MTCL1: variants seen among roughly 807,000 people sequenced by gnomAD.
The protein encoded by MTCL1 is microtubule cross-linking factor 1.
A neutral mutation model predicts 141.4 loss-of-function variants in MTCL1; 79 were observed. The observed-to-expected ratio is 0.56, with a 90% CI of 0.47 to 0.67. The LOEUF (loss-of-function observed/expected upper bound fraction) is 0.67. Ranked by LOEUF, MTCL1 falls within the 30% of genes least tolerant of loss-of-function variation. MTCL1 has a pLI of 0.00. For missense variants in MTCL1, 2,177 were observed against 2,113.9 expected (o/e 1.03, Z -0.59); for synonymous variants, 914 against 875.8 (o/e 1.04, Z -0.77).
intron 12 of MTCL1, among the ~76,000 whole-genome samples, chr18:8,815,222 C>T (rs2076611799): frequency 6.6e-6 from 1 of 151,852 alleles, no homozygotes; most frequent in African/African-American, 2.4e-5. Context: ...GGAACCAACC[C>T]AAATGTCCAA....
intron 14 of MTCL1, among the ~76,000 whole-genome samples, chr18:8,823,154 C>T (rs142716750): frequency 1.3e-5 from 2 of 152,312 alleles, no homozygotes; most frequent in East Asian, 3.9e-4. Context: ...ATACTCTCTT[C>T]GTTCCACCTG....
intron 10 of MTCL1, among the ~76,000 whole-genome samples, chr18:8,799,325 A>T (rs993620848): frequency 6.6e-6 from 1 of 152,226 alleles, no homozygotes; most frequent in South Asian, 2.1e-4. Flanking sequence ...GCTGAGGGGA[A>T]TTTGGGTTCC....
At chr18:8,790,904 G>T (rs2075699025) in intron 7 of MTCL1, among the ~76,000 whole-genome samples, 1 of 152,102 alleles carries the variant, frequency 6.6e-6, no homozygotes, top group Non-Finnish European at 1.5e-5. Flanking sequence ...AATCCCAGCT[G>T]CTCGGGAGGC....
chr18:8,805,148 A>T (rs1194287092), intron 10 of MTCL1, among the ~76,000 whole-genome samples: 1 of 148,278 alleles, frequency 6.7e-6, no homozygotes, highest in Non-Finnish European at 1.5e-5. Context: ...GTACATGTGC[A>T]GGTTTATTAT....
intron 4 of MTCL1, among the ~76,000 whole-genome samples, chr18:8,729,933 A>G (rs1185009592): frequency 6.6e-6 from 1 of 152,016 alleles, no homozygotes; most frequent in Non-Finnish European, 1.5e-5. Flanking sequence ...ATTGTTTTAC[A>G]TTGCACATGT....
intron 1 of MTCL1, 49 bp downstream of exon 1, chr18:8,706,762 TGGCTGC>T: frequency 6.5e-7 from 1 of 1,538,146 alleles, no homozygotes; most frequent in Non-Finnish European, 8.7e-7. Context: ...CCGGAGGGCC[TGGCTGC>T]GGCGGGGACC....
chr18:8,705,620 C>T (rs2096056338), upstream of MTCL1: 6 of 1,161,164 alleles, frequency 5.2e-6, no homozygotes, highest in Non-Finnish European at 6.3e-6. The surrounding 1 kb of genome is among the most constrained non-coding windows in gnomAD (Gnocchi z 5.2). Flanking sequence ...CGTCGTCGTC[C>T]GGAGCATCTG....
chr18:8,705,605 G>GCCA, upstream of MTCL1: 1 of 1,206,904 alleles, frequency 8.3e-7, no homozygotes, highest in Non-Finnish European at 1.0e-6. This position sits in a 1 kb window ranked among gnomAD's most constrained non-coding sequence, Gnocchi z 5.2. Flanking sequence ...CGCCGCCGCC[G>GCCA]CCGCCGTCGT....
chr18:8,826,222 G>C, exon 15 of MTCL1: 1 of 1,595,356 alleles, frequency 6.3e-7, no homozygotes, highest in Non-Finnish European at 8.5e-7. Flanking sequence ...GCCGAGCCAG[G>C]GCCCATGGAG....
chr18:8,724,981 C>A (rs1259915936), intron 4 of MTCL1, among the ~76,000 whole-genome samples: 5 of 136,452 alleles, frequency 3.7e-5, no homozygotes, highest in Non-Finnish European at 6.3e-5. Flanking sequence ...TTTTTTTTTT[C>A]TGATATATTT....
intron 13 of MTCL1, among the ~76,000 whole-genome samples, chr18:8,821,160 AG>A (rs1292080443): frequency 6.6e-6 from 1 of 152,184 alleles, no homozygotes; most frequent in African/African-American, 2.4e-5. Context: ...GTAGTCAGTG[AG>A]GTCCTTTGAG....
intron 7 of MTCL1, among the ~76,000 whole-genome samples, chr18:8,791,781 A>G (rs1421259115): frequency 6.6e-6 from 1 of 152,250 alleles, no homozygotes; most frequent in Non-Finnish European, 1.5e-5. Context: ...TAGTAGTCTC[A>G]AACAACTAGC....
exon 15 of MTCL1, chr18:8,826,046 G>A (rs369341171): frequency 2.9e-5 from 47 of 1,611,486 alleles, no homozygotes; most frequent in African/African-American, 2.1e-4. Flanking sequence ...GAGAGGGCAC[G>A]CCAGTGAAGC....
intron 9 of MTCL1, among the ~76,000 whole-genome samples, chr18:8,797,186 C>T (rs2075956205): frequency 6.6e-6 from 1 of 152,214 alleles, no homozygotes; most frequent in African/African-American, 2.4e-5. Flanking sequence ...TTCAACCTTG[C>T]TGGTGTGTAA....
chr18:8,825,103 C>G (rs1398707065), exon 15 of MTCL1: 1 of 1,604,308 alleles, frequency 6.2e-7, no homozygotes, highest in Non-Finnish European at 8.5e-7. Flanking sequence ...AGCCCGCCTG[C>G]CGTGCGCAGG....
intron 7 of MTCL1, among the ~76,000 whole-genome samples, chr18:8,789,061 G>A (rs2075625825): frequency 6.6e-6 from 1 of 152,188 alleles, no homozygotes; most frequent in African/African-American, 2.4e-5. Context: ...ATGCACGGAC[G>A]CTGGTCAGAT....
chr18:8,784,428 C>A (rs1034894986), exon 6 of MTCL1: 2 of 1,529,188 alleles, frequency 1.3e-6, no homozygotes, highest in East Asian at 2.3e-5. Context: ...GCCAGCGAGC[C>A]ATGCCCCACG....
At chr18:8,801,161 C>T (rs987251668) in intron 10 of MTCL1, among the ~76,000 whole-genome samples, 1 of 152,154 alleles carries the variant, frequency 6.6e-6, no homozygotes, top group African/African-American at 2.4e-5. Context: ...CCTTGGCTCC[C>T]TGGGCTTCCG....
rs918232931 is a variant in MTCL1 at position 8,822,035 on chromosome 18, C to T, written c.3188+537C>T. 1.3e-5 allele frequency among the ~76,000 whole-genome samples: 2 copies of T among 152,282 alleles called. No homozygotes were observed. The highest frequency in any genetic ancestry group is 2.4e-5 in the African/African-American group (1 of 41,564). Reference sequence around the variant, plus strand: ...CATCATTCTCCAAATGAATACATACCGTTTCTACTACATGAAATTTCTTCT... The same window carrying T: ...CATCATTCTCCAAATGAATACATACTGTTTCTACTACATGAAATTTCTTCT... On this transcript the variant is annotated intron_variant, in intron 14 of 16. Transcript: ENST00000359865. The surrounding 1 kb of genome is among the most constrained non-coding windows in gnomAD (Gnocchi z 4.6).
Sources: gnomAD v4.1 joint callset for allele counts (sites outside exome capture counted in the v4.1 genomes callset) on GRCh38, gnomAD v4.1.1 for gene constraint, Gnocchi (gnomAD v3.1) non-coding constraint, MANE v1.5 for transcripts, NCBI Gene and HGNC (gene_info 2026-07-23, HGNC 2026-07-21) for gene names.